PRKG1: variants seen among roughly 807,000 people sequenced by gnomAD.
PRKG1 encodes the protein cGMP-dependent protein kinase 1.
In PRKG1, 35 loss-of-function variants were observed where a neutral mutation model predicts 88.1. The observed-to-expected ratio is 0.40, with a 90% CI of 0.30 to 0.53. PRKG1 has a LOEUF of 0.53. PRKG1 is among the 20% of genes least tolerant of loss of function. The pLI is 0.59. For synonymous variants in PRKG1, 303 were observed against 292.5 expected (o/e 1.04, Z -0.37); for missense variants, 540 against 839.8 (o/e 0.64, Z 4.41).
intron 3 of PRKG1, among the ~76,000 whole-genome samples, chr10:51,546,100 T>C (rs543794123): frequency 6.6e-6 from 1 of 152,152 alleles, no homozygotes; most frequent in African/African-American, 2.4e-5. Flanking sequence ...TATTTCACAA[T>C]TGCTATTTGT....
At chr10:51,344,552 T>C (rs1842072025) in intron 2 of PRKG1, among the ~76,000 whole-genome samples, 1 of 152,214 alleles carries the variant, frequency 6.6e-6, no homozygotes, top group African/African-American at 2.4e-5. Flanking sequence ...GCAATCATTC[T>C]AGCTTAGTCA....
At chr10:51,163,923 T>C (rs1589211626) in intron 2 of PRKG1, among the ~76,000 whole-genome samples, 1 of 152,244 alleles carries the variant, frequency 6.6e-6, no homozygotes, top group East Asian at 1.9e-4. Flanking sequence ...CCACCACAGC[T>C]CAAGGAGGCC....
At chr10:52,264,800 C>A (rs1007602583) in intron 10 of PRKG1, among the ~76,000 whole-genome samples, 4 of 151,972 alleles carry the variant, frequency 2.6e-5, no homozygotes, top group African/African-American at 9.7e-5. Flanking sequence ...AAGTTAGCAA[C>A]ACAGAGAATA....
At chr10:51,378,733 A>T (rs1486093464) in intron 2 of PRKG1, among the ~76,000 whole-genome samples, 1 of 152,120 alleles carries the variant, frequency 6.6e-6, no homozygotes, top group African/African-American at 2.4e-5. Context: ...ATGCAGGGTG[A>T]TTTATTTAAA....
intron 7 of PRKG1, among the ~76,000 whole-genome samples, chr10:52,066,736 GA>G (rs1473715976): frequency 1.3e-5 from 2 of 152,198 alleles, no homozygotes; most frequent in Admixed American, 6.5e-5. Flanking sequence ...AAGAAAAGCA[GA>G]AAAAAACCTA....
At chr10:51,997,376 C>A (rs1844474667) in intron 5 of PRKG1, among the ~76,000 whole-genome samples, 1 of 149,796 alleles carries the variant, frequency 6.7e-6, no homozygotes, top group African/African-American at 2.5e-5. Flanking sequence ...GAGGCTGAGG[C>A]ACAAGAATCA....
chr10:52,281,152 A>G (rs1841994655), intron 13 of PRKG1, among the ~76,000 whole-genome samples: 2 of 152,170 alleles, frequency 1.3e-5, no homozygotes, highest in South Asian at 4.1e-4. Context: ...TACTCTGGCA[A>G]AAGATGCTTT....
intron 2 of PRKG1, among the ~76,000 whole-genome samples, chr10:51,231,867 T>C (rs994478123): frequency 1.3e-5 from 2 of 152,216 alleles, no homozygotes; most frequent in African/African-American, 4.8e-5. Flanking sequence ...TTAGAGAATC[T>C]GGCAAAAGCC....
rs149460133 is a variant in PRKG1 at position 51,696,667 on chromosome 10, A to G, written c.593-107918A>G. 5 of 151,682 alleles carry G rather than the reference A, an allele frequency of 3.3e-5. No individual in the cohort carries two copies. The East Asian group carries it at 9.8e-4, about 30-fold the overall frequency. The allele number at this position is 151,682 out of a possible 1,614,324, so 9.4% of individuals were successfully genotyped here. A position where few individuals can be genotyped will look rare whatever the true frequency, so the allele number is the denominator to read the frequency against. ...AGGTGCAGTCCTTAATTTCTCAGGTAACATAACTTTAGAAAAAACAATTCT... is the reference window on the plus strand; with the variant it reads ...AGGTGCAGTCCTTAATTTCTCAGGTGACATAACTTTAGAAAAAACAATTCT... On this transcript the variant is annotated intron_variant, in intron 3 of 17. Transcript: ENST00000373980.
intron 2 of PRKG1, among the ~76,000 whole-genome samples, chr10:51,193,623 G>A (rs1837686400): frequency 6.6e-6 from 1 of 152,096 alleles, no homozygotes; most frequent in Admixed American, 6.6e-5. Flanking sequence ...TATAAATTAG[G>A]AGTAAATTAG....
chr10:51,154,298 T>G (rs1260154151), intron 2 of PRKG1, among the ~76,000 whole-genome samples: 1 of 151,818 alleles, frequency 6.6e-6, no homozygotes, highest in Non-Finnish European at 1.5e-5. Context: ...GGACATTTGG[T>G]GATATCTGGA....
At chr10:52,110,922 A>G (rs955730045) in intron 7 of PRKG1, among the ~76,000 whole-genome samples, 2 of 152,156 alleles carry the variant, frequency 1.3e-5, no homozygotes, top group Non-Finnish European at 2.9e-5. Context: ...GCAGAAATGT[A>G]TCCATTGGAC....
At chr10:51,230,117 AAACT>A (rs929840403) in intron 2 of PRKG1, among the ~76,000 whole-genome samples, 29 of 152,210 alleles carry the variant, frequency 1.9e-4, no homozygotes, top group East Asian at 3.9e-4. Context: ...AATGTTCAGA[AAACT>A]AACTAAGTAA....
chr10:51,091,839 T>A (rs898047183), intron 1 of PRKG1, among the ~76,000 whole-genome samples: 5 of 152,144 alleles, frequency 3.3e-5, no homozygotes, highest in Non-Finnish European at 7.4e-5. Context: ...GAATAATTGC[T>A]CCATTTTAGG....
At chr10:51,623,872 T>A (rs371140469) in intron 3 of PRKG1, among the ~76,000 whole-genome samples, 21 of 152,294 alleles carry the variant, frequency 1.4e-4, no homozygotes, top group South Asian at 1.2e-3. Flanking sequence ...TTTGTTTTGC[T>A]TCCCAGGAAA....
At chr10:52,224,561 C>T (rs144006687) in intron 9 of PRKG1, among the ~76,000 whole-genome samples, 73,116 of 119,040 alleles carry the variant, frequency 0.61, 22,986 homozygotes, top group East Asian at 0.76. Context: ...AAGCAGTATA[C>T]ACTTCACCAT....
At chr10:51,950,936 G>A (rs1411263406) in intron 5 of PRKG1, among the ~76,000 whole-genome samples, 2 of 152,246 alleles carry the variant, frequency 1.3e-5, no homozygotes, top group East Asian at 3.9e-4. Flanking sequence ...CGTGGGGGTG[G>A]TCCCCCAATG....
chr10:51,808,237 C>A (rs1229500969), intron 4 of PRKG1, among the ~76,000 whole-genome samples: 3 of 152,028 alleles, frequency 2.0e-5, no homozygotes, highest in African/African-American at 7.2e-5. Flanking sequence ...TAGTCAAGCA[C>A]TTTTTTCTTT....
intron 3 of PRKG1, among the ~76,000 whole-genome samples, chr10:51,514,389 C>A (rs1212335296): frequency 1.3e-5 from 2 of 152,096 alleles, no homozygotes; most frequent in Non-Finnish European, 2.9e-5. Context: ...GAATGACCTG[C>A]TTTTAAAAAG....
Sources: allele counts gnomAD v4.1 joint callset (sites outside exome capture counted in the v4.1 genomes callset), GRCh38; gene constraint gnomAD v4.1.1; transcripts MANE v1.5; gene names NCBI Gene and HGNC (gene_info 2026-07-23, HGNC 2026-07-21).